Variants in LMNTD2 observed in about 807,000 individuals in gnomAD.
LMNTD2 encodes the protein lamin tail domain-containing protein 2.
Under a neutral mutation model 70.1 loss-of-function variants are expected in LMNTD2, and 83 were observed. That is an observed-to-expected ratio of 1.18 (90% CI 0.99 to 1.42). The LOEUF (loss-of-function observed/expected upper bound fraction) is 1.42, where lower values mean the gene tolerates loss of function less well. Ranked by LOEUF, LMNTD2 falls within the 40% of genes most tolerant of loss-of-function variation. The pLI is 0.00. For synonymous variants in LMNTD2, 534 were observed against 406.1 expected, an observed-to-expected ratio of 1.31 and a Z score of -3.79; for missense variants, 1,153 against 905.9, an observed-to-expected ratio of 1.27 and a Z score of -3.50.
chr11:557,743 C>G, intron 5 of LMNTD2, 103 bp from the exon 6 acceptor site: 6 of 1,579,410 alleles, frequency 3.8e-6, no homozygotes, highest in Non-Finnish European at 5.2e-6. Context: ...TGATTCCTCC[C>G]TGCTGGAGCC....
intron 13 of LMNTD2, 61 bp from the exon 14 acceptor site, chr11:555,172 G>GGC: frequency 2.0e-6 from 1 of 488,012 alleles, no homozygotes; most frequent in Non-Finnish European, 2.9e-6. Context: ...GGGAGGGGAG[G>GGC]GGAGGAGAGG....
chr11:558,421 T>C, intron 3 of LMNTD2, 173 bp from the exon 4 acceptor site: 1 of 1,052,530 alleles, frequency 9.5e-7, no homozygotes, highest in Non-Finnish European at 1.3e-6. Flanking sequence ...GACAAGGGTC[T>C]AGCACCCATC....
In LMNTD2 at chr11:558,923, CG is replaced by C; in HGVS notation, c.90del (p.Glu31ArgfsTer90). The C allele has an allele frequency of 2.5e-6, 4 of 1,609,014 alleles. No individual in the cohort carries two copies. ...GTGTCTGGCAGGCACGTGGGAGTCT[CG>C]GGGGCTGCAGGTGCGCCTGCTGGAG... ...LGPPAGAPAA[P>X]ETPTCLPDTT... is the part of the protein sequence containing the mutation. On this transcript the variant is annotated frameshift_variant, in exon 2 of 14. Coordinates refer to ENST00000329451, the MANE Select transcript of LMNTD2 (RefSeq NM_173573.3). LOFTEE classifies it high-confidence loss of function.
At chr11:556,146 CGGCCGGGCCGGGCCGTCGG>C (rs1387647276) in intron 10 of LMNTD2, 27 bp downstream of exon 10, 2 of 1,320,282 alleles carry the variant, frequency 1.5e-6, no homozygotes, top group East Asian at 3.1e-5. Context: ...GGGTGAGGGG[CGGCCGGGCCGGGCCGTCGG>C]GGCCGGGCTC....
chr11:556,853 A>C lies in LMNTD2; in HGVS notation c.958T>G (p.Tyr320Asp), dbSNP rs1223236263. Residue 320 changes from tyrosine to aspartate, a missense_variant, in exon 8 of 14, where the codon TAC (tyrosine) becomes GAC (aspartate). Physicochemically the swap from Tyr to Asp is radical, Grantham distance 160. Coordinates refer to ENST00000329451, the MANE Select transcript of LMNTD2 (RefSeq NM_173573.3). The part of the protein sequence containing the change: ...SEQALVQAGS[Y>D]SRDSEDLQKT... ...ACTGCACCTTCTGAGTCCCTGCTGT[A>C]GCTGCCGGCCTGCACCAGCGCTTGC... 2 of 1,582,292 alleles carry C rather than the reference A, an allele frequency of 1.3e-6. No homozygotes were observed. Among genetic ancestry groups the C allele is most frequent in the South Asian group, 2.3e-5 (2 of 87,358 alleles).
At chr11:560,197 A>C (rs1853186274) in intron 1 of LMNTD2, 2 of 691,138 alleles carry the variant, frequency 2.9e-6, no homozygotes, top group Admixed American at 1.2e-4. Flanking sequence ...CCACGCCCAC[A>C]ACTCTTTCTG....
In LMNTD2 at chr11:557,472, C is replaced by T. The variant is rs200625515; in HGVS notation, c.640G>A (p.Asp214Asn). Reference protein sequence around the residue: ...APTGEGFRLEDVDWNSVARRY... With the variant: ...APTGEGFRLENVDWNSVARRY... Reference sequence around the variant, plus strand: ...CGGGCAACGCTGTTCCAATCCACGTCCTCCAGCCGAAAGCCCTGGCCAGGA... The same window carrying T: ...CGGGCAACGCTGTTCCAATCCACGTTCTCCAGCCGAAAGCCCTGGCCAGGA... Residue 214 changes from aspartate to asparagine, a missense_variant, in exon 7 of 14, where the codon GAC becomes AAC. Asp to Asn is a conservative substitution (Grantham distance 23). Transcript: ENST00000329451. The T allele has an allele frequency of 1.5e-4, 244 of 1,611,584 alleles. 1 individual carries two copies. The highest frequency in any genetic ancestry group is 4.9e-4 in the Middle Eastern group (3 of 6,062).
chr11:555,350 C>A lies in LMNTD2; in HGVS notation c.1728G>T (p.Gly576=), dbSNP rs761972005. Residue 576 remains glycine (G), a synonymous_variant, in exon 13 of 14, where the codon GGG becomes GGT. Coordinates refer to ENST00000329451, the MANE Select transcript of LMNTD2 (RefSeq NM_173573.3). Reference sequence around the variant, plus strand: ...GGAGCCGACAGTCCTCCAGGCCCAGCCCGGCCTCTGCGGGAGGCGACGGCA... The same window carrying A: ...GGAGCCGACAGTCCTCCAGGCCCAGACCGGCCTCTGCGGGAGGCGACGGCA... ...PTLPSPPAEA[G]LGLEDCRLQK... The A allele has an allele frequency of 7.0e-7, 1 of 1,423,980 alleles. No individual in the cohort carries two copies. Among genetic ancestry groups the A allele is most frequent in the Non-Finnish European group, 9.2e-7 (1 of 1,092,008 alleles). 88.2% of individuals were successfully genotyped at this position (1,423,980 alleles called of 1,614,324 possible).
chr11:554,978 C>T lies in LMNTD2; in HGVS notation c.*2G>A, dbSNP rs772492919. 33 of 1,572,620 alleles carry T rather than the reference C, an allele frequency of 2.1e-5. No homozygotes were observed. The South Asian group carries it at 3.5e-4, about 17-fold the overall frequency. ...CGCGGTCCCGGCCCCACTCCTCCGCCCCTAGGCGCCGCGGCAGGTGTCCGC... is the reference window on the plus strand; with the variant it reads ...CGCGGTCCCGGCCCCACTCCTCCGCTCCTAGGCGCCGCGGCAGGTGTCCGC... On this transcript the variant is annotated 3_prime_UTR_variant, in exon 14 of 14. Coordinates refer to ENST00000329451, the MANE Select transcript of LMNTD2 (RefSeq NM_173573.3).
At chr11:555,157 G>GGGAGGGGAGGGGAGCGGCGA (rs755831562) in intron 13 of LMNTD2, 46 bp from the exon 14 acceptor site, 78,491 of 486,608 alleles carry the variant, frequency 0.16, 11,318 homozygotes, top group East Asian at 0.5. Flanking sequence ...GGGCGGGGAC[G>GGGAGGGGAGGGGAGCGGCGA]GGAGGGGAGG....
chr11:557,809 A>C, intron 5 of LMNTD2, 75 bp downstream of exon 5: 1 of 1,512,876 alleles, frequency 6.6e-7, no homozygotes, highest in South Asian at 1.3e-5. Context: ...AGGGCGCCCC[A>C]GCAGAGGCAC....
At chr11:556,733 T>C (rs1036108529) in intron 8 of LMNTD2, 102 bp downstream of exon 8, 1 of 1,437,550 alleles carries the variant, frequency 7.0e-7, no homozygotes. Context: ...TGGCTGGACC[T>C]TGGGGGCTGG....
At position 556,263 on chromosome 11, in the gene LMNTD2, C is replaced by T. The variant is rs944121543; in HGVS notation, c.1186G>A (p.Val396Met). The change falls in exon 10 of 14, where the codon GTG becomes ATG. Residue 396 changes from valine to methionine, a missense_variant. By Grantham distance (21) the Val-to-Met change is conservative (BLOSUM62 1). Coordinates refer to ENST00000329451, the MANE Select transcript of LMNTD2 (RefSeq NM_173573.3). ...TACAGGCGCTCCGGGAAGCCGCGCA[C>T]CAGCTGCTTCAGCACCATGCCGCTC... ...DLSGMVLKQL[V>M]RGFPERLYRF... 1 of 1,531,874 alleles carries T rather than the reference C, an allele frequency of 6.5e-7. No individual in the cohort carries two copies. Among genetic ancestry groups the T allele is most frequent in the African/African-American group, 1.4e-5 (1 of 72,564 alleles). The allele number at this position is 1,531,874 out of a possible 1,614,324, so 94.9% of individuals were successfully genotyped here. A position where few individuals can be genotyped will look rare whatever the true frequency, so the allele number is the denominator to read the frequency against.
At chr11:559,575 G>T (rs981525647) in intron 1 of LMNTD2, 2 of 1,191,074 alleles carry the variant, frequency 1.7e-6, no homozygotes, top group Non-Finnish European at 2.1e-6. Context: ...CCTGAGGGAG[G>T]CCCCAGCATC....
Position 558,721 on chromosome 11 carries a change from C to A in LMNTD2, c.204G>T (p.Trp68Cys). The change falls in exon 3 of 14, where the codon TGG becomes TGT. Residue 68 changes from tryptophan (W) to cysteine (C), a missense_variant. Transcript: ENST00000329451. ...SLDPRTLRLL[W>C]RQRELEIQAL... ...CCTGGATCTCCAGTTCTCGCTGTCT[C>A]CACAGCAGCCGCAGTGTGCGAGGGT... The A allele has an allele frequency of 6.2e-7, 1 of 1,607,598 alleles. No individual in the cohort carries two copies. The highest frequency in any genetic ancestry group is 8.5e-7 in the Non-Finnish European group (1 of 1,177,896).
At chr11:556,715 AG>A in intron 8 of LMNTD2, 119 bp downstream of exon 8, 1 of 1,420,734 alleles carries the variant, frequency 7.0e-7, no homozygotes, top group East Asian at 2.5e-5. Context: ...CAGATGGGGC[AG>A]GAAAGGTGGC....
At chr11:556,713 G>T in intron 8 of LMNTD2, 122 bp downstream of exon 8, 1 of 1,419,736 alleles carries the variant, frequency 7.0e-7, no homozygotes, top group Non-Finnish European at 9.3e-7. Flanking sequence ...GTCAGATGGG[G>T]CAGGAAAGGT....
Position 555,734 on chromosome 11 carries a change from C to G in LMNTD2, c.1574G>C (p.Gly525Ala). The G allele has an allele frequency of 5.0e-6, 7 of 1,399,146 alleles. No individual in the cohort carries two copies. Among genetic ancestry groups the G allele is most frequent in the Non-Finnish European group, 6.4e-6 (7 of 1,088,400 alleles). 86.7% of individuals were successfully genotyped at this position (1,399,146 alleles called of 1,614,324 possible). The stretch of plus-strand genomic sequence containing the variant: ...GATCCCGGGGACCCGCGGTCCCCAC[C>G]CTGGTCTCCGGCGACTGACCCGGGG... Reference protein sequence around the residue: ...REPRVSRRRPGTRGLLPPVSS... With the variant: ...REPRVSRRRPATRGLLPPVSS... Residue 525 changes from glycine to alanine, a missense_variant and splice_region_variant, in exon 12 of 14, where the codon GGG becomes GCG. Transcript: ENST00000329451.
chr11:558,290 C>G, intron 3 of LMNTD2, 42 bp from the exon 4 acceptor site: 1 of 1,595,330 alleles, frequency 6.3e-7, no homozygotes, highest in Non-Finnish European at 8.6e-7. Flanking sequence ...CCTGCTCAGG[C>G]AGGGGTTCCT....
Sources: gnomAD v4.1 joint callset for allele counts on GRCh38, gnomAD v4.1.1 for gene constraint, MANE v1.5 for transcripts, NCBI Gene and HGNC (gene_info 2026-07-23, HGNC 2026-07-21) for gene names.